The following CSNK2A2IP variants were observed in gnomAD, a reference collection of about 807,000 sequenced individuals.
CSNK2A2IP encodes casein kinase II subunit alpha'-interacting protein.
chr3:88,398,048 G>GA, the CSNK2A2IP span, among the ~76,000 whole-genome samples: 12 of 151,908 alleles, frequency 7.9e-5, no homozygotes, highest in Admixed American at 7.2e-4. Flanking sequence ...CAACCTACAG[G>GA]AAAAAATATG....
chr3:88,356,545 A>G, the CSNK2A2IP span, among the ~76,000 whole-genome samples: 55,584 of 151,982 alleles, frequency 0.37, 10,465 homozygotes, highest in Admixed American at 0.47. Flanking sequence ...TTGTAAATAA[A>G]GCTGTAATAA....
At chr3:88,376,360 T>A in the CSNK2A2IP span, among the ~76,000 whole-genome samples, 110 of 150,530 alleles carry the variant, frequency 7.3e-4, no homozygotes, top group Middle Eastern at 3.4e-3. Flanking sequence ...GCAAATATAT[T>A]TTTTTTTTGA....
the CSNK2A2IP span, among the ~76,000 whole-genome samples, chr3:88,427,898 T>C: frequency 6.6e-6 from 1 of 152,142 alleles, no homozygotes; most frequent in Non-Finnish European, 1.5e-5. Flanking sequence ...ACTTGGTCAC[T>C]GCCTAGTGGA....
chr3:88,424,083 T>C, the CSNK2A2IP span, among the ~76,000 whole-genome samples: 1 of 152,216 alleles, frequency 6.6e-6, no homozygotes, highest in Admixed American at 6.5e-5. Flanking sequence ...TCTCATCTGA[T>C]ATTCAGGGAA....
chr3:88,402,177 T>C, the CSNK2A2IP span, among the ~76,000 whole-genome samples: 3 of 152,142 alleles, frequency 2.0e-5, no homozygotes, highest in East Asian at 5.8e-4. Flanking sequence ...TATTTGAAAA[T>C]TTATTGTAAC....
the CSNK2A2IP span, among the ~76,000 whole-genome samples, chr3:88,363,408 G>C: frequency 1.3e-5 from 2 of 152,096 alleles, no homozygotes; most frequent in Non-Finnish European, 2.9e-5. Flanking sequence ...CCTTTAAAAA[G>C]TATCTTTCAT....
At chr3:88,466,811 C>A in the CSNK2A2IP span, 35,671 of 881,368 alleles carry the variant, frequency 0.04, 1,329 homozygotes, top group East Asian at 0.16. Context: ...TGCCTAAAAT[C>A]TCCATGTAAC....
the CSNK2A2IP span, among the ~76,000 whole-genome samples, chr3:88,423,059 G>C: frequency 1.3e-5 from 2 of 152,156 alleles, no homozygotes; most frequent in East Asian, 3.9e-4. Context: ...GTTGTCCAGC[G>C]TGGAATACTT....
At chr3:88,341,615 G>GAAA in the CSNK2A2IP span, among the ~76,000 whole-genome samples, 154 of 150,498 alleles carry the variant, frequency 1.0e-3, no homozygotes, top group African/African-American at 3.5e-3. Flanking sequence ...ATTCCCACAG[G>GAAA]AAAAAAAAAC....
At chr3:88,463,741 T>A in the CSNK2A2IP span, among the ~76,000 whole-genome samples, 3 of 152,176 alleles carry the variant, frequency 2.0e-5, no homozygotes, top group Admixed American at 2.0e-4. Context: ...GAAGTTGGCG[T>A]GGTGATTCCT....
chr3:88,404,027 C>A, the CSNK2A2IP span, among the ~76,000 whole-genome samples: 2 of 151,634 alleles, frequency 1.3e-5, no homozygotes, highest in Admixed American at 6.6e-5. Flanking sequence ...TATTTCTTTT[C>A]TTGGTTTGCA....
At chr3:88,460,931 C>CA in the CSNK2A2IP span, among the ~76,000 whole-genome samples, 11 of 151,808 alleles carry the variant, frequency 7.2e-5, no homozygotes, top group African/African-American at 1.9e-4. Flanking sequence ...CTACTAAATA[C>CA]AAAAAATTAG....
chr3:88,437,607 T>G, the CSNK2A2IP span, among the ~76,000 whole-genome samples: 2 of 152,170 alleles, frequency 1.3e-5, no homozygotes, highest in Non-Finnish European at 2.9e-5. Context: ...AATTAGCAAC[T>G]TTTTTTGCAA....
the CSNK2A2IP span, chr3:88,338,548 G>A: frequency 1.3e-5 from 2 of 152,122 alleles, no homozygotes; most frequent in African/African-American, 4.8e-5. Flanking sequence ...GGAGACTCTA[G>A]ACATTTGTTT....
At chr3:88,390,168 G>A in the CSNK2A2IP span, among the ~76,000 whole-genome samples, 2 of 152,112 alleles carry the variant, frequency 1.3e-5, no homozygotes, top group Non-Finnish European at 2.9e-5. Flanking sequence ...GATAAATTTG[G>A]ATAAGGATAA....
the CSNK2A2IP span, chr3:88,465,886 CAA>C: frequency 8.1e-7 from 1 of 1,231,658 alleles, no homozygotes; most frequent in East Asian, 3.2e-5. Context: ...GAAGTCTCAT[CAA>C]AGAGTCTCAA....
the CSNK2A2IP span, among the ~76,000 whole-genome samples, chr3:88,373,762 A>G: frequency 3.3e-5 from 5 of 151,418 alleles, no homozygotes; most frequent in Non-Finnish European, 7.4e-5. Flanking sequence ...GCAAGCAAAA[A>G]TAAGAAAACA....
At chr3:88,339,123 T>C in the CSNK2A2IP span, among the ~76,000 whole-genome samples, 10 of 152,094 alleles carry the variant, frequency 6.6e-5, no homozygotes, top group Non-Finnish European at 8.8e-5. Context: ...ACTATAGTCA[T>C]TCTATTGTGC....
At chr3:88,431,899 A>G in the CSNK2A2IP span, among the ~76,000 whole-genome samples, 1 of 152,164 alleles carries the variant, frequency 6.6e-6, no homozygotes, top group African/African-American at 2.4e-5. Context: ...GGTCCTATTG[A>G]TAGTCTAAAT....
Sources: allele counts gnomAD v4.1 joint callset (sites outside exome capture counted in the v4.1 genomes callset), GRCh38; gene constraint gnomAD v4.1.1; transcripts MANE v1.5; gene names NCBI Gene and HGNC (gene_info 2026-07-23, HGNC 2026-07-21).